SLC22A4: variants seen among roughly 807,000 people sequenced by gnomAD.
The protein encoded by SLC22A4 is ET transporter.
A neutral mutation model predicts 56.6 loss-of-function variants in SLC22A4; 39 were observed. The ratio of observed to expected loss-of-function variants is 0.69; its 90% confidence interval spans 0.53 to 0.90. The LOEUF (loss-of-function observed/expected upper bound fraction) is 0.90, where lower values mean the gene tolerates loss of function less well. Ranked by LOEUF, SLC22A4 falls within the 40% of genes least tolerant of loss-of-function variation. The probability of loss-of-function intolerance (pLI) is 0.00; values close to 1 mark genes in which losing one functional copy is unlikely to be tolerated. For synonymous variants in SLC22A4, 241 were observed against 281.4 expected (o/e 0.86, Z 1.44); for missense variants, 594 against 696.5 (o/e 0.85, Z 1.66).
At chr5:132,299,905 T>C (rs965570123) in intron 1 of SLC22A4, among the ~76,000 whole-genome samples, 3 of 152,226 alleles carry the variant, frequency 2.0e-5, no homozygotes, top group Non-Finnish European at 4.4e-5. Flanking sequence ...GAAATTAACA[T>C]TGGTTACAAT....
Position 132,313,606 on chromosome 5 carries a change from T to A in SLC22A4, c.498-8T>A. The A allele has an allele frequency of 1.2e-6, 2 of 1,614,010 alleles. No homozygotes were observed. Among genetic ancestry groups the A allele is most frequent in the Non-Finnish European group, 1.7e-6 (2 of 1,179,830 alleles). ...ATCTCATGTTTTGTGTTATACTGCA[T>A]TCTCTAGGTTTGGCAGGAAGAACGT... On this transcript the variant is annotated splice_region_variant and splice_polypyrimidine_tract_variant and intron_variant, in intron 2 of 9. Transcript: ENST00000200652.
intron 4 of SLC22A4, among the ~76,000 whole-genome samples, chr5:132,325,101 T>G (rs1039455451): frequency 2.0e-5 from 3 of 152,150 alleles, no homozygotes; most frequent in African/African-American, 7.2e-5. Context: ...TGAGGAAAGC[T>G]ATGCAATTTC....
intron 1 of SLC22A4, among the ~76,000 whole-genome samples, chr5:132,307,771 T>C (rs1750076434): frequency 6.6e-6 from 1 of 152,040 alleles, no homozygotes; most frequent in Admixed American, 6.5e-5. Flanking sequence ...CGAGAAAGCC[T>C]GTGTTCTTTG....
chr5:132,334,866 T>C lies in SLC22A4; in HGVS notation c.1195T>C (p.Tyr399His). ...WLLLRTLPRR[Y>H]IIAAVLFWGG... ...GCTATTGCGAACCCTGCCCAGGCGT[T>C]ATATCATAGCTGCAGTACTGTTCTG... is the stretch of plus-strand genomic sequence containing the variant. The change falls in exon 7 of 10, where the codon TAT becomes CAT. Residue 399 changes from tyrosine (Y) to histidine (H), a missense_variant. Transcript: ENST00000200652. 1 of 1,614,064 alleles carries C rather than the reference T, an allele frequency of 6.2e-7. No homozygotes were observed. Among genetic ancestry groups the C allele is most frequent in the Non-Finnish European group, 8.5e-7 (1 of 1,179,924 alleles).
At chr5:132,339,353 C>A (rs272874) in intron 8 of SLC22A4, among the ~76,000 whole-genome samples, 4 of 151,848 alleles carry the variant, frequency 2.6e-5, no homozygotes, top group Admixed American at 2.6e-4. Flanking sequence ...GGTGTTTCAG[C>A]GGCATGTTCA....
chr5:132,311,218 CT>C (rs1750171371), intron 1 of SLC22A4: 1 of 152,182 alleles, frequency 6.6e-6, no homozygotes, highest in Non-Finnish European at 1.5e-5. Context: ...GGGGTCTTTC[CT>C]CCAGACTGGA....
intron 4 of SLC22A4, chr5:132,324,374 G>C: frequency 2.6e-6 from 1 of 384,516 alleles, no homozygotes; most frequent in Non-Finnish European, 5.3e-6. Flanking sequence ...TCCAGAGTCA[G>C]CCTCCAGAGT....
chr5:132,328,168 C>T (rs1013802084), intron 5 of SLC22A4, among the ~76,000 whole-genome samples: 1 of 152,104 alleles, frequency 6.6e-6, no homozygotes, highest in African/African-American at 2.4e-5. Flanking sequence ...AGCAGGGTGG[C>T]CCATGGCTGG....
Position 132,344,138 on chromosome 5 carries a change from C to T in SLC22A4, c.*303C>T, listed in dbSNP as rs1011440043. ...TACATATAAAGATTAACACTCATTT[C>T]CAATCATACAAATACTATCCAAATA... On this transcript the variant is annotated 3_prime_UTR_variant, in exon 10 of 10. Coordinates refer to ENST00000200652, the MANE Select transcript of SLC22A4 (RefSeq NM_003059.3). The T allele has an allele frequency of 6.3e-6, 2 of 316,978 alleles. No homozygotes were observed. Among genetic ancestry groups the T allele is most frequent in the East Asian group, 1.2e-4 (2 of 16,768 alleles). The allele number at this position is 316,978 out of a possible 1,614,324, so 19.6% of individuals were successfully genotyped here.
intron 1 of SLC22A4, among the ~76,000 whole-genome samples, chr5:132,297,034 G>A (rs994947890): frequency 1.3e-5 from 2 of 152,192 alleles, no homozygotes; most frequent in African/African-American, 2.4e-5. Context: ...AAAGCAACTA[G>A]GGGCTGGGCA....
intron 1 of SLC22A4, among the ~76,000 whole-genome samples, chr5:132,297,675 A>G (rs907505350): frequency 3.4e-4 from 49 of 146,100 alleles, no homozygotes; most frequent in Non-Finnish European, 4.1e-4. Flanking sequence ...CTACAAAAAG[A>G]AAAAAAAAAC....
At chr5:132,322,089 T>C in intron 3 of SLC22A4, 95 bp from the exon 4 acceptor site, 1 of 1,125,218 alleles carries the variant, frequency 8.9e-7, no homozygotes, top group Non-Finnish European at 1.3e-6. Flanking sequence ...CTTTTCTAAG[T>C]GGTGATAGTT....
intron 4 of SLC22A4, among the ~76,000 whole-genome samples, chr5:132,326,862 A>G (rs1750705355): frequency 6.6e-6 from 1 of 152,192 alleles, no homozygotes; most frequent in African/African-American, 2.4e-5. Flanking sequence ...TGTGAACATC[A>G]CCAGCTGGGA....
At chr5:132,300,896 G>A (rs448112) in intron 1 of SLC22A4, among the ~76,000 whole-genome samples, 2 of 152,252 alleles carry the variant, frequency 1.3e-5, no homozygotes, top group Non-Finnish European at 2.9e-5. Flanking sequence ...AAGCAACCCA[G>A]AGTGTCTGAT....
chr5:132,318,987 A>G (rs1053201036), intron 3 of SLC22A4, among the ~76,000 whole-genome samples: 1 of 152,202 alleles, frequency 6.6e-6, no homozygotes, highest in African/African-American at 2.4e-5. Context: ...GTTCTCTCCT[A>G]GCATTACTCA....
intron 1 of SLC22A4, among the ~76,000 whole-genome samples, chr5:132,306,384 AATATATATATAT>A (rs55779142): frequency 0.017 from 521 of 30,388 alleles, 9 homozygotes; most frequent in Non-Finnish European, 0.032. Context: ...CAAACCGTGA[AATATATATATAT>A]ATATATATAT....
intron 1 of SLC22A4, among the ~76,000 whole-genome samples, chr5:132,311,030 T>G (rs780016663): frequency 1.3e-5 from 2 of 150,920 alleles, no homozygotes; most frequent in African/African-American, 2.5e-5. Context: ...ATTTTTCTCT[T>G]GTGTGTGTCT....
At chr5:132,302,529 G>A (rs779444146) in intron 1 of SLC22A4, among the ~76,000 whole-genome samples, 4 of 152,182 alleles carry the variant, frequency 2.6e-5, no homozygotes, top group South Asian at 2.1e-4. Flanking sequence ...GAGAATGGAC[G>A]TTCTGGGGAA....
At chr5:132,336,516 C>T (rs1385934998) in intron 8 of SLC22A4, among the ~76,000 whole-genome samples, 1 of 152,052 alleles carries the variant, frequency 6.6e-6, no homozygotes, top group Non-Finnish European at 1.5e-5. Flanking sequence ...AAGAGCAAAA[C>T]TCTGTCTCAA....
Sources: allele counts gnomAD v4.1 joint callset (sites outside exome capture counted in the v4.1 genomes callset), GRCh38; gene constraint gnomAD v4.1.1; transcripts MANE v1.5; gene names NCBI Gene and HGNC (gene_info 2026-07-23, HGNC 2026-07-21).